ANKH: variants seen among roughly 807,000 people sequenced by gnomAD.
ANKH encodes mineralization regulator ANKH.
ANKH carries 15 observed loss-of-function variants against 49.0 expected under a neutral mutation model. The ratio of observed to expected loss-of-function variants is 0.31; its 90% confidence interval spans 0.20 to 0.47. The LOEUF is 0.47. Among genes scored for constraint, ANKH ranks in the 20% least tolerant of loss-of-function variants. The pLI, the probability that ANKH is intolerant of heterozygous loss-of-function variation, is 1.00. For missense variants in ANKH, 429 were observed against 652.0 expected, an observed-to-expected ratio of 0.66 and a Z score of 3.72; for synonymous variants, 273 against 260.0, an observed-to-expected ratio of 1.05 and a Z score of -0.48.
chr5:14,860,680 C>G (rs71595919), intron 1 of ANKH, among the ~76,000 whole-genome samples: 1 of 152,194 alleles, frequency 6.6e-6, no homozygotes, highest in East Asian at 1.9e-4. Flanking sequence ...GCAGCCCCAG[C>G]TAAGTCAAAC....
At position 14,711,273 on chromosome 5, in the gene ANKH, TC is replaced by T; in HGVS notation, c.1402del (p.Glu468LysfsTer5). On this transcript the variant is annotated frameshift_variant, in exon 12 of 12. Transcript: ENST00000284268. LOFTEE classifies it high-confidence loss of function. ...KMENESATEGEDSAMTDMPPT... is the reference protein window; with the variant it reads ...KMENESATEGXDSAMTDMPPT... Reference sequence around the variant, plus strand: ...AGGCATGTCTGTCATGGCAGAGTCTTCCCCCTCCGTGGCCGACTCATTCTCC... The same window carrying T: ...AGGCATGTCTGTCATGGCAGAGTCTTCCCCTCCGTGGCCGACTCATTCTCC... 6.2e-7 allele frequency: 1 copy of T among 1,614,010 alleles called. No homozygotes were observed. Among genetic ancestry groups the T allele is most frequent in the Admixed American group, 1.7e-5 (1 of 60,020 alleles).
rs16903672 is a variant in ANKH, at chr5:14,731,759, T to G, written c.1011+10068A>C. On this transcript the variant is annotated intron_variant, in intron 8 of 11. Coordinates refer to ENST00000284268, the MANE Select transcript of ANKH (RefSeq NM_054027.6). The stretch of plus-strand genomic sequence containing the variant: ...GGTCTCATGTTTATCCTGAGAACAG[T>G]GCCAAGCGGCTAATTTAAAAAGCAG... 3.3e-3 allele frequency among the ~76,000 whole-genome samples: 501 copies of G among 152,338 alleles called. 1 individual carries two copies. The highest frequency in any genetic ancestry group is 5.8e-3 in the South Asian group (28 of 4,830).
chr5:14,758,483 T>C lies in ANKH; in HGVS notation c.429A>G (p.Ala143=), dbSNP rs996326070. 1 of 1,612,072 alleles carries C rather than the reference T, an allele frequency of 6.2e-7. No individual in the cohort carries two copies. The highest frequency in any genetic ancestry group is 8.5e-7 in the Non-Finnish European group (1 of 1,178,216). The change falls in exon 3 of 12, where the codon GCA becomes GCG. Residue 143 remains alanine, a synonymous_variant. Coordinates refer to ENST00000284268, the MANE Select transcript of ANKH (RefSeq NM_054027.6). Reference sequence around the variant, plus strand: ...GCCAACGATCTTCTCTACTCACCATTGCGTCCATGAAAGGAAAGGCGGCGA... The same window carrying C: ...GCCAACGATCTTCTCTACTCACCATCGCGTCCATGAAAGGAAAGGCGGCGA... ...LYLAAFPFMD[A]MAWTHAGILL...
chr5:14,844,838 A>G (rs888391558), intron 1 of ANKH, among the ~76,000 whole-genome samples: 1 of 152,170 alleles, frequency 6.6e-6, no homozygotes, highest in African/African-American at 2.4e-5. Flanking sequence ...TTCTTTGTGC[A>G]TAACAAGCTC....
At chr5:14,768,171 TG>T (rs1215688158) in intron 2 of ANKH, 13 of 152,282 alleles carry the variant, frequency 8.5e-5, no homozygotes, top group African/African-American at 3.1e-4. Context: ...GTTAATCTTT[TG>T]GTTCCTTTAT....
chr5:14,719,971 C>T (rs1737610001), intron 8 of ANKH, among the ~76,000 whole-genome samples: 1 of 152,118 alleles, frequency 6.6e-6, no homozygotes, highest in South Asian at 2.1e-4. Context: ...TTCTTCTCTA[C>T]AATAAAACTG....
At chr5:14,757,413 C>T (rs152362) in intron 3 of ANKH, among the ~76,000 whole-genome samples, 75,264 of 127,230 alleles carry the variant, frequency 0.59, 23,665 homozygotes, top group African/African-American at 0.8. Flanking sequence ...CTTATTGGAA[C>T]ATATATATAT....
At chr5:14,834,844 G>A (rs1741609012) in intron 1 of ANKH, among the ~76,000 whole-genome samples, 1 of 152,164 alleles carries the variant, frequency 6.6e-6, no homozygotes, top group East Asian at 1.9e-4. Flanking sequence ...CTCATCTGGA[G>A]AAAGAAGATA....
chr5:14,709,945 A>G lies in ANKH; in HGVS notation c.*1252T>C, dbSNP rs1202748497. 6.6e-6 allele frequency: 1 copy of G among 152,286 alleles called. No individual in the cohort carries two copies. Among genetic ancestry groups the G allele is most frequent in the African/African-American group, 2.4e-5 (1 of 41,460 alleles). The allele number at this position is 152,286 out of a possible 1,614,324, so 9.4% of individuals were successfully genotyped here. A position where few individuals can be genotyped will look rare whatever the true frequency, so the allele number is the denominator to read the frequency against. On this transcript the variant is annotated 3_prime_UTR_variant, in exon 12 of 12. Transcript: ENST00000284268. Reference sequence around the variant, plus strand: ...TTTTTTTTTTAGGTTCTTTCAGTCTAGGAATTCTGACTAAATCAATTTAGT... The same window carrying G: ...TTTTTTTTTTAGGTTCTTTCAGTCTGGGAATTCTGACTAAATCAATTTAGT...
At chr5:14,793,408 T>G (rs1280902143) in intron 1 of ANKH, among the ~76,000 whole-genome samples, 3 of 152,012 alleles carry the variant, frequency 2.0e-5, no homozygotes, top group Non-Finnish European at 4.4e-5. Flanking sequence ...TCTTGGGTAT[T>G]TCTCTAATTC....
chr5:14,800,286 T>C (rs896989883), intron 1 of ANKH, among the ~76,000 whole-genome samples: 3 of 152,250 alleles, frequency 2.0e-5, no homozygotes, highest in Admixed American at 6.5e-5. Context: ...GTGAACATTG[T>C]TGAAGTGACA....
At position 14,749,274 on chromosome 5, in the gene ANKH, G is replaced by A; in HGVS notation, c.720C>T (p.Phe240=). 3 of 1,614,232 alleles carry A rather than the reference G, an allele frequency of 1.9e-6. No homozygotes were observed. The highest frequency in any genetic ancestry group is 2.5e-6 in the Non-Finnish European group (3 of 1,180,040). ...CCAGAATTAGAGCCAAAGGCCACCA[G>A]AAGCTCAGCATCTTTCTTATTGTTG... The part of the protein sequence containing the change: ...GDATIRKMLS[F]WWPLALILAT... The change falls in exon 6 of 12, where the codon TTC becomes TTT. Residue 240 remains phenylalanine, a synonymous_variant. Transcript: ENST00000284268.
At chr5:14,741,370 G>T in intron 8 of ANKH, 2 of 205,156 alleles carry the variant, frequency 9.7e-6, no homozygotes, top group East Asian at 2.9e-4. Flanking sequence ...TCCCGCAGGG[G>T]CTCAATGCCT....
chr5:14,838,093 T>C (rs991768051), intron 1 of ANKH, among the ~76,000 whole-genome samples: 13 of 151,118 alleles, frequency 8.6e-5, no homozygotes, highest in African/African-American at 3.2e-4. Flanking sequence ...GTGGGAAACA[T>C]CACGCACCAG....
rs1414430603 is a variant in ANKH at position 14,709,918 on chromosome 5, ATTT to A, written c.*1276_*1278del. 2 of 152,422 alleles carry A rather than the reference ATTT, an allele frequency of 1.3e-5. No homozygotes were observed. Among genetic ancestry groups the A allele is most frequent in the South Asian group, 4.1e-4 (2 of 4,830 alleles). The allele number at this position is 152,422 out of a possible 1,614,324, so 9.4% of individuals were successfully genotyped here. A position where few individuals can be genotyped will look rare whatever the true frequency, so the allele number is the denominator to read the frequency against. ...CAGCATATATTTATATCTTTAAAAT[ATTT>A]TTTTTTTTAGGTTCTTTCAGTCTAG... On this transcript the variant is annotated 3_prime_UTR_variant, in exon 12 of 12. Transcript: ENST00000284268.
chr5:14,800,476 G>A (rs1740534632), intron 1 of ANKH, among the ~76,000 whole-genome samples: 1 of 152,148 alleles, frequency 6.6e-6, no homozygotes. Context: ...CTTCATTCCT[G>A]TCTTATTTTA....
In ANKH at chr5:14,717,958, G is replaced by A. The variant is rs553752370; in HGVS notation, c.1012-1123C>T. On this transcript the variant is annotated intron_variant, in intron 8 of 11. Transcript: ENST00000284268. ...TACTCAATCTGTACATGGAAAACGG[G>A]GGAATTAAGAGAAGGATGACATTTG... Among the ~76,000 whole-genome samples the A allele has an allele frequency of 2.6e-5, 4 of 152,300 alleles. No individual in the cohort carries two copies. In the East Asian group the frequency reaches 7.7e-4, roughly 29 times the overall value.
At chr5:14,757,144 C>G (rs1388600850) in intron 3 of ANKH, among the ~76,000 whole-genome samples, 4 of 152,086 alleles carry the variant, frequency 2.6e-5, no homozygotes, top group Non-Finnish European at 5.9e-5. Flanking sequence ...TGACACGGAC[C>G]TGTCCAGGAA....
At chr5:14,749,089 C>T (rs1025036449) in intron 6 of ANKH, 83 bp downstream of exon 6, 20 of 1,587,180 alleles carry the variant, frequency 1.3e-5, no homozygotes, top group South Asian at 3.3e-5. Context: ...CTTGAGCTCT[C>T]GAGAAGAACT....
Sources: allele counts gnomAD v4.1 joint callset (sites outside exome capture counted in the v4.1 genomes callset), GRCh38; gene constraint gnomAD v4.1.1; transcripts MANE v1.5; gene names NCBI Gene and HGNC (gene_info 2026-07-23, HGNC 2026-07-21).